The following PCDHGA7 variants were observed in gnomAD, a reference collection of about 807,000 sequenced individuals.
PCDHGA7 encodes protocadherin gamma subfamily A, 7, also known as protocadherin gamma-A7.
A neutral mutation model predicts 58.3 loss-of-function variants in PCDHGA7; 44 were observed. That is an observed-to-expected ratio of 0.75 (90% CI 0.59 to 0.97). The LOEUF (loss-of-function observed/expected upper bound fraction) is 0.97, where lower values mean the gene tolerates loss of function less well. Ranked by LOEUF, PCDHGA7 falls within the 50% of genes least tolerant of loss-of-function variation. PCDHGA7 has a pLI of 0.00. For synonymous variants in PCDHGA7, 516 were observed against 504.2 expected, an observed-to-expected ratio of 1.02 and a Z score of -0.31; for missense variants, 1,266 against 1,188.7, an observed-to-expected ratio of 1.06 and a Z score of -0.96.
At chr5:141,455,041 T>C (rs971722465) in intron 1 of PCDHGA7, among the ~76,000 whole-genome samples, 2 of 151,234 alleles carry the variant, frequency 1.3e-5, no homozygotes, top group Non-Finnish European at 2.9e-5. Flanking sequence ...CTCGATCTCC[T>C]GACCTCGTGA....
chr5:141,405,698 G>C (rs1274236930), intron 1 of PCDHGA7, among the ~76,000 whole-genome samples: 1 of 152,128 alleles, frequency 6.6e-6, no homozygotes, highest in Non-Finnish European at 1.5e-5. Flanking sequence ...GGCTGGTCTT[G>C]AATTCCTAAC....
At chr5:141,399,475 C>T (rs1561669837) in intron 1 of PCDHGA7, 1 of 1,614,022 alleles carries the variant, frequency 6.2e-7, no homozygotes. Context: ...GGTTTTCCAC[C>T]AGGCGTCCTA....
intron 1 of PCDHGA7, chr5:141,414,787 G>T (rs372484037): frequency 6.2e-7 from 1 of 1,614,230 alleles, no homozygotes; most frequent in Admixed American, 1.7e-5. Context: ...GCAGGTGACA[G>T]CCAGCGACAG....
chr5:141,453,052 G>A (rs1299518260), intron 1 of PCDHGA7, among the ~76,000 whole-genome samples: 2 of 152,062 alleles, frequency 1.3e-5, no homozygotes, highest in East Asian at 3.9e-4. Flanking sequence ...ATTATGTGCA[G>A]TTTTAGAGTT....
At chr5:141,453,932 C>T (rs57919166) in intron 1 of PCDHGA7, among the ~76,000 whole-genome samples, 2 of 152,296 alleles carry the variant, frequency 1.3e-5, no homozygotes, top group African/African-American at 4.8e-5. Context: ...TCACTGTGTG[C>T]CTATAATTTA....
Position 141,421,691 on chromosome 5 carries a change from T to A in PCDHGA7, c.2424+36368T>A, listed in dbSNP as rs1175919580. ...GCAATTCCTGGGGCGCGATTTGCTC[T>A]TCCTAATGCTAGGGATCCAGATGTG... On this transcript the variant is annotated intron_variant, in intron 1 of 3. Coordinates refer to ENST00000518325, the MANE Select transcript of PCDHGA7 (RefSeq NM_018920.4). 6.2e-7 allele frequency: 1 copy of A among 1,613,816 alleles called. No individual in the cohort carries two copies. The highest frequency in any genetic ancestry group is 1.3e-5 in the African/African-American group (1 of 74,938).
At chr5:141,409,798 G>T (rs2095317053) in intron 1 of PCDHGA7, 1 of 1,611,672 alleles carries the variant, frequency 6.2e-7, no homozygotes, top group South Asian at 1.1e-5. Context: ...CGCTCACGCT[G>T]CAGGCCCGCG....
intron 1 of PCDHGA7, chr5:141,409,054 T>TA: frequency 6.2e-7 from 1 of 1,614,028 alleles, no homozygotes; most frequent in African/African-American, 1.3e-5. Flanking sequence ...TCCGAAGCAC[T>TA]GCCCAGAGCA....
intron 1 of PCDHGA7, chr5:141,408,445 C>T (rs759314379): frequency 2.5e-6 from 4 of 1,613,846 alleles, no homozygotes; most frequent in Admixed American, 1.7e-5. Flanking sequence ...ACGCGGAGAG[C>T]GGGGACTTAC....
At chr5:141,461,799 G>T (rs1025237561) in intron 1 of PCDHGA7, among the ~76,000 whole-genome samples, 5 of 151,188 alleles carry the variant, frequency 3.3e-5, no homozygotes, top group Admixed American at 1.3e-4. Context: ...GATTACAGGT[G>T]CCCACCACCA....
Position 141,493,858 on chromosome 5 carries a change from C to A in PCDHGA7, c.2425-949C>A, listed in dbSNP as rs2099750481. Among the ~76,000 whole-genome samples, 1 of 152,184 alleles carries A rather than the reference C, an allele frequency of 6.6e-6. No homozygotes were observed. The highest frequency in any genetic ancestry group is 1.5e-5 in the Non-Finnish European group (1 of 68,030). On this transcript the variant is annotated intron_variant, in intron 1 of 3. Transcript: ENST00000518325. The surrounding 1 kb of genome is among the most constrained non-coding windows in gnomAD (Gnocchi z 4.3). ...AGTATGAGTATTAATTACCAGCCCA[C>A]CCCAGAACCAGTGAGGAGGTGGCTC...
intron 1 of PCDHGA7, chr5:141,419,444 G>A: frequency 6.2e-7 from 1 of 1,613,088 alleles, no homozygotes; most frequent in Non-Finnish European, 8.5e-7. Context: ...GCGCACCTTC[G>A]AGCTCACGCT....
chr5:141,428,119 C>CCGGGCTTTTCAGCCTGGGGCTGCACA, intron 1 of PCDHGA7: 1 of 1,606,630 alleles, frequency 6.2e-7, no homozygotes, highest in Non-Finnish European at 8.5e-7. Context: ...GCCATCGAGC[C>CCGGGCTTTTCAGCCTGGGGCTGCACA]CGGGCTTTTC....
intron 1 of PCDHGA7, among the ~76,000 whole-genome samples, chr5:141,449,588 CAAAAAAAA>C (rs768743917): frequency 1.7e-5 from 1 of 57,492 alleles, no homozygotes; most frequent in South Asian, 6.3e-4. Context: ...GACTCTGTCT[CAAAAAAAA>C]AAAAAAAAAA....
Position 141,431,704 on chromosome 5 carries a change from C to T in PCDHGA7, c.2424+46381C>T. On this transcript the variant is annotated intron_variant, in intron 1 of 3. Transcript: ENST00000518325. The surrounding 1 kb of genome is among the most constrained non-coding windows in gnomAD (Gnocchi z 4.8). ...TGGACCACGAGGAGTCAGGATTCTA[C>T]CAGATGGAAGTGCAAGCAATGGATA... 1 of 1,614,194 alleles carries T rather than the reference C, an allele frequency of 6.2e-7. No homozygotes were observed. The highest frequency in any genetic ancestry group is 8.5e-7 in the Non-Finnish European group (1 of 1,180,036).
rs757157488 is a variant in PCDHGA7 at position 141,477,668 on chromosome 5, A to G, written c.2425-17139A>G. ...TTTCACAATAAATCGTGACAATGGC[A>G]TAGTGTCATCCTTAGTGCCCCTAGA... On this transcript the variant is annotated intron_variant, in intron 1 of 3. Coordinates refer to ENST00000518325, the MANE Select transcript of PCDHGA7 (RefSeq NM_018920.4). The surrounding 1 kb of genome is among the most constrained non-coding windows in gnomAD (Gnocchi z 4.9). 10 of 1,614,104 alleles carry G rather than the reference A, an allele frequency of 6.2e-6. No individual in the cohort carries two copies. Among genetic ancestry groups the G allele is most frequent in the Non-Finnish European group, 8.5e-6 (10 of 1,180,046 alleles).
chr5:141,395,391 A>G, intron 1 of PCDHGA7: 2 of 944,730 alleles, frequency 2.1e-6, no homozygotes, highest in Non-Finnish European at 3.1e-6. Flanking sequence ...ATAAAATTGA[A>G]CTCTAATAGT....
intron 1 of PCDHGA7, chr5:141,418,973 C>T: frequency 3.1e-6 from 5 of 1,613,916 alleles, no homozygotes; most frequent in Non-Finnish European, 3.4e-6. Context: ...CTTCAAAACA[C>T]GGGACCAAGA....
At chr5:141,468,737 G>A (rs1288031024) in intron 1 of PCDHGA7, among the ~76,000 whole-genome samples, 1 of 151,948 alleles carries the variant, frequency 6.6e-6, no homozygotes, top group African/African-American at 2.4e-5. Context: ...GTGGTGGCGG[G>A]TGCCTGTAGT....
Sources: allele counts gnomAD v4.1 joint callset (sites outside exome capture counted in the v4.1 genomes callset), GRCh38; gene constraint gnomAD v4.1.1; non-coding constraint Gnocchi (gnomAD v3.1); transcripts MANE v1.5; gene names NCBI Gene and HGNC (gene_info 2026-07-23, HGNC 2026-07-21).